ME3: variants seen among roughly 807,000 people sequenced by gnomAD.
ME3 encodes malic enzyme 3.
Under a neutral mutation model 68.9 loss-of-function variants are expected in ME3, and 48 were observed. The ratio of observed to expected loss-of-function variants is 0.70; its 90% CI spans 0.55 to 0.89. ME3 has a LOEUF of 0.89. Ranked by LOEUF, ME3 falls within the 40% of genes least tolerant of loss-of-function variation. The pLI is 0.00. For synonymous variants in ME3, 320 were observed against 318.8 expected (o/e 1.00, Z -0.04); for missense variants, 675 against 797.4 (o/e 0.85, Z 1.85).
Position 86,460,807 on chromosome 11 carries a change from A to G in ME3, c.919+4284T>C, listed in dbSNP as rs921221427. Among the ~76,000 whole-genome samples, 9 of 152,316 alleles carry G rather than the reference A, an allele frequency of 5.9e-5. 1 individual carries two copies. In the South Asian group the frequency reaches 1.5e-3, roughly 25 times the overall value. The stretch of plus-strand genomic sequence containing the variant: ...TAAGTGGCATTGCTCCTTACTTTGT[A>G]TTTGGAGATAAAGGGGGACCATTGC... On this transcript the variant is annotated intron_variant, in intron 8 of 14. Transcript: ENST00000543262.
chr11:86,646,757 C>A (rs1233769493), intron 2 of ME3, among the ~76,000 whole-genome samples: 1 of 152,090 alleles, frequency 6.6e-6, no homozygotes, highest in African/African-American at 2.4e-5. Flanking sequence ...TCATCAGATT[C>A]ACCAAGATTG....
intron 6 of ME3, among the ~76,000 whole-genome samples, chr11:86,492,179 G>A (rs1952047915): frequency 6.6e-6 from 1 of 152,166 alleles, no homozygotes; most frequent in Non-Finnish European, 1.5e-5. Context: ...TGTTAAATAG[G>A]GAATAATGAT....
At chr11:86,491,033 C>A (rs1341596576) in intron 6 of ME3, among the ~76,000 whole-genome samples, 1 of 152,042 alleles carries the variant, frequency 6.6e-6, no homozygotes, top group Admixed American at 6.6e-5. Context: ...ATTTTGCTTT[C>A]CTAATAAAAT....
intron 7 of ME3, among the ~76,000 whole-genome samples, chr11:86,479,498 T>G (rs1951269948): frequency 6.6e-6 from 1 of 152,242 alleles, no homozygotes; most frequent in South Asian, 2.1e-4. Context: ...ACATTCATTT[T>G]TAGTTGGCCC....
chr11:86,517,047 A>T (rs1953947386), intron 4 of ME3, among the ~76,000 whole-genome samples: 1 of 152,092 alleles, frequency 6.6e-6, no homozygotes, highest in East Asian at 1.9e-4. Context: ...CATATTTGTT[A>T]TGGGCTGTTC....
At chr11:86,558,894 C>T (rs1957062161) in intron 3 of ME3, among the ~76,000 whole-genome samples, 1 of 152,092 alleles carries the variant, frequency 6.6e-6, no homozygotes, top group Non-Finnish European at 1.5e-5. Context: ...TAACTTTTGC[C>T]ATTAAGAGGT....
chr11:86,597,615 C>T (rs539162949), intron 2 of ME3, among the ~76,000 whole-genome samples: 2 of 152,306 alleles, frequency 1.3e-5, no homozygotes, highest in South Asian at 4.1e-4. Flanking sequence ...CTGTTAATAC[C>T]TACGTGGGAA....
chr11:86,439,224 G>A (rs901041471), downstream of ME3, among the ~76,000 whole-genome samples: 2 of 152,166 alleles, frequency 1.3e-5, no homozygotes, highest in Admixed American at 6.5e-5. Flanking sequence ...CTGTGGTGCC[G>A]TAAAATTAAC....
chr11:86,597,517 G>A (rs767855761), intron 2 of ME3, among the ~76,000 whole-genome samples: 6 of 152,200 alleles, frequency 3.9e-5, no homozygotes, highest in Non-Finnish European at 5.9e-5. Context: ...GAACAAGCCT[G>A]TTGTCAGCTC....
intron 2 of ME3, among the ~76,000 whole-genome samples, chr11:86,666,947 T>C (rs779155188): frequency 6.6e-5 from 10 of 152,220 alleles, no homozygotes; most frequent in Non-Finnish European, 1.0e-4. Flanking sequence ...CAAAATCATA[T>C]ACTTTATTCA....
intron 6 of ME3, 96 bp from the exon 7 acceptor site, chr11:86,487,536 G>A: frequency 1.0e-6 from 1 of 973,798 alleles, no homozygotes; most frequent in African/African-American, 1.6e-5. Context: ...AGAACCAGAA[G>A]GTGGGAGGAG....
At chr11:86,514,599 T>C (rs1051630556) in intron 4 of ME3, among the ~76,000 whole-genome samples, 2 of 152,228 alleles carry the variant, frequency 1.3e-5, no homozygotes, top group Non-Finnish European at 2.9e-5. Flanking sequence ...AGGGGTTTAA[T>C]GTATGTGCTT....
At chr11:86,517,124 T>C (rs996694310) in intron 4 of ME3, among the ~76,000 whole-genome samples, 1 of 152,206 alleles carries the variant, frequency 6.6e-6, no homozygotes, top group African/African-American at 2.4e-5. Flanking sequence ...TCTGTAAATA[T>C]ATTCTGTTCT....
At chr11:86,571,014 T>C (rs1307096873) in intron 2 of ME3, among the ~76,000 whole-genome samples, 1 of 152,230 alleles carries the variant, frequency 6.6e-6, no homozygotes, top group Non-Finnish European at 1.5e-5. Flanking sequence ...AAAATTTCTG[T>C]GAATTCAAAG....
At chr11:86,611,000 A>T (rs1354059554) in intron 2 of ME3, among the ~76,000 whole-genome samples, 1 of 152,160 alleles carries the variant, frequency 6.6e-6, no homozygotes, top group African/African-American at 2.4e-5. Context: ...AGCCAACCTG[A>T]CTTCCTAGAC....
intron 2 of ME3, chr11:86,668,092 A>T (rs1212252030): frequency 6.6e-6 from 1 of 152,088 alleles, no homozygotes; most frequent in Non-Finnish European, 1.5e-5. Context: ...TTCTGTCACC[A>T]TCAGGAATAT....
intron 2 of ME3, among the ~76,000 whole-genome samples, chr11:86,642,636 G>C (rs1944741170): frequency 6.6e-6 from 1 of 152,292 alleles, no homozygotes; most frequent in Admixed American, 6.5e-5. Flanking sequence ...CTGGGAGGTG[G>C]AGGCTGCAGT....
chr11:86,654,455 T>C (rs928469574), intron 2 of ME3, among the ~76,000 whole-genome samples: 3 of 152,178 alleles, frequency 2.0e-5, no homozygotes, highest in African/African-American at 7.2e-5. Flanking sequence ...TGCAAATCAA[T>C]AAACGTAATC....
chr11:86,658,991 T>C (rs1365532597), intron 2 of ME3, among the ~76,000 whole-genome samples: 1 of 152,208 alleles, frequency 6.6e-6, no homozygotes, highest in African/African-American at 2.4e-5. Context: ...AAAAAAAATC[T>C]ACTGCCTAGA....
Sources: gnomAD v4.1 joint callset for allele counts (sites outside exome capture counted in the v4.1 genomes callset) on GRCh38, gnomAD v4.1.1 for gene constraint, MANE v1.5 for transcripts, NCBI Gene and HGNC (gene_info 2026-07-23, HGNC 2026-07-21) for gene names.